The following APBA1 variants were observed in gnomAD, a reference collection of about 807,000 sequenced individuals.
APBA1 encodes amyloid-beta A4 precursor protein-binding family A member 1.
In APBA1, 55 loss-of-function variants were observed where a neutral mutation model predicts 86.6. The observed-to-expected ratio is 0.64, with a 90% confidence interval of 0.51 to 0.80. The LOEUF is 0.80. Ranked by LOEUF, APBA1 falls within the 30% of genes least tolerant of loss-of-function variation. The pLI, the probability that APBA1 is intolerant of heterozygous loss-of-function variation, is 0.00. For missense variants in APBA1, 1,090 were observed against 1,183.0 expected, an observed-to-expected ratio of 0.92 and a Z score of 1.15; for synonymous variants, 511 against 493.9, an observed-to-expected ratio of 1.03 and a Z score of -0.46.
intron 1 of APBA1, among the ~76,000 whole-genome samples, chr9:69,612,630 G>T (rs535287820): frequency 6.6e-6 from 1 of 151,930 alleles, no homozygotes; most frequent in South Asian, 2.1e-4. Flanking sequence ...TGCTTCCTAG[G>T]TTTTCACTAG....
intron 1 of APBA1, among the ~76,000 whole-genome samples, chr9:69,671,791 C>T (rs1330356860): frequency 6.6e-6 from 1 of 152,114 alleles, no homozygotes; most frequent in Non-Finnish European, 1.5e-5. Flanking sequence ...CTGGAAATGT[C>T]ACCCCCCAAC....
At chr9:69,670,447 G>T (rs1823924868) in intron 1 of APBA1, among the ~76,000 whole-genome samples, 1 of 152,178 alleles carries the variant, frequency 6.6e-6, no homozygotes, top group African/African-American at 2.4e-5. Flanking sequence ...CAATGCAGTA[G>T]AATTTAAGGT....
intron 1 of APBA1, among the ~76,000 whole-genome samples, chr9:69,661,753 T>G (rs1044251549): frequency 1.3e-5 from 2 of 152,114 alleles, no homozygotes; most frequent in African/African-American, 4.8e-5. Context: ...TGGAATAGTT[T>G]CCTAGACAGT....
intron 1 of APBA1, among the ~76,000 whole-genome samples, chr9:69,669,041 TC>T (rs1332007826): frequency 1.3e-5 from 2 of 152,212 alleles, no homozygotes; most frequent in African/African-American, 4.8e-5. Flanking sequence ...ATGATCCACC[TC>T]TGGCCAGGAT....
At chr9:69,659,821 T>C (rs1159396545) in intron 1 of APBA1, among the ~76,000 whole-genome samples, 2 of 152,262 alleles carry the variant, frequency 1.3e-5, no homozygotes, top group South Asian at 2.1e-4. Context: ...TTATTTTACA[T>C]GTGTCATGGA....
intron 1 of APBA1, among the ~76,000 whole-genome samples, chr9:69,636,858 A>G (rs1588405510): frequency 4.2e-5 from 4 of 95,036 alleles, no homozygotes; most frequent in African/African-American, 1.2e-4. Flanking sequence ...GGAGGGAGGG[A>G]GGGAGGGAGA....
At chr9:69,432,824 T>C in intron 11 of APBA1, 148 bp from the exon 12 acceptor site, 1 of 804,174 alleles carries the variant, frequency 1.2e-6, no homozygotes, top group Non-Finnish European at 1.7e-6. Context: ...TCTTAGTGTC[T>C]TTTCACAAAA....
intron 2 of APBA1, among the ~76,000 whole-genome samples, chr9:69,489,688 T>A (rs373052957): frequency 6.6e-6 from 1 of 151,182 alleles, no homozygotes; most frequent in South Asian, 2.1e-4. Context: ...ACTTCTCAAA[T>A]GAAGACATTT....
intron 2 of APBA1, among the ~76,000 whole-genome samples, chr9:69,487,728 C>T (rs570805624): frequency 1.8e-4 from 27 of 152,126 alleles, no homozygotes; most frequent in Non-Finnish European, 3.1e-4. Context: ...TCCTGCACTG[C>T]GGATTCCCCA....
At chr9:69,476,717 T>A (rs894952762) in intron 2 of APBA1, among the ~76,000 whole-genome samples, 20 of 152,218 alleles carry the variant, frequency 1.3e-4, no homozygotes, top group African/African-American at 4.8e-5. Flanking sequence ...CATTTTAACA[T>A]CCAAACACTA....
At chr9:69,560,567 T>C (rs2133937774) in intron 1 of APBA1, among the ~76,000 whole-genome samples, 1 of 152,330 alleles carries the variant, frequency 6.6e-6, no homozygotes, top group South Asian at 2.1e-4. Flanking sequence ...ACAGCATTGT[T>C]GTAAAGATGA....
chr9:69,502,880 C>T (rs1835900528), intron 2 of APBA1, among the ~76,000 whole-genome samples: 1 of 152,122 alleles, frequency 6.6e-6, no homozygotes, highest in Admixed American at 6.5e-5. Context: ...ATCAAGCCCA[C>T]AGCTCCTGAA....
At chr9:69,452,994 T>C (rs1588292566) in intron 8 of APBA1, among the ~76,000 whole-genome samples, 1 of 152,234 alleles carries the variant, frequency 6.6e-6, no homozygotes, top group East Asian at 1.9e-4. Context: ...GTTTATGATA[T>C]CCCACTGCAC....
chr9:69,598,315 G>A (rs896382045), intron 1 of APBA1, among the ~76,000 whole-genome samples: 1 of 152,150 alleles, frequency 6.6e-6, no homozygotes, highest in Admixed American at 6.5e-5. Flanking sequence ...GATAGCATTG[G>A]GAGATATACC....
chr9:69,530,084 G>T (rs909921801), intron 1 of APBA1, among the ~76,000 whole-genome samples: 1 of 151,948 alleles, frequency 6.6e-6, no homozygotes, highest in African/African-American at 2.4e-5. Context: ...AATCTATATG[G>T]AAAACAGTAT....
chr9:69,517,274 A>G lies in APBA1; in HGVS notation c.-64T>C, dbSNP rs1487084851. On this transcript the variant is annotated 5_prime_UTR_variant, in exon 2 of 13. Coordinates refer to ENST00000265381, the MANE Select transcript of APBA1 (RefSeq NM_001163.4). ...GCTCACTGCGCTCTCATTTTGCTCCACTGGGCTGGAAAAACAAGAAGGGGA... is the reference window on the plus strand; with the variant it reads ...GCTCACTGCGCTCTCATTTTGCTCCGCTGGGCTGGAAAAACAAGAAGGGGA... 7.1e-7 allele frequency: 1 copy of G among 1,407,482 alleles called. No homozygotes were observed. The highest frequency in any genetic ancestry group is 9.2e-7 in the Non-Finnish European group (1 of 1,084,360). The allele number at this position is 1,407,482 out of a possible 1,614,324, so 87.2% of individuals were successfully genotyped here.
At chr9:69,431,630 A>T (rs945724245) in intron 12 of APBA1, among the ~76,000 whole-genome samples, 1 of 152,264 alleles carries the variant, frequency 6.6e-6, no homozygotes, top group Non-Finnish European at 1.5e-5. Context: ...AAAACCAAGC[A>T]AGGCTTATTT....
intron 1 of APBA1, among the ~76,000 whole-genome samples, chr9:69,633,816 A>G (rs748898599): frequency 9.8e-5 from 15 of 152,320 alleles, no homozygotes; most frequent in Middle Eastern, 3.4e-3. Context: ...ATAATACTCA[A>G]TGCTCCAAGG....
intron 1 of APBA1, among the ~76,000 whole-genome samples, chr9:69,612,578 C>G (rs1253616970): frequency 6.6e-6 from 1 of 151,884 alleles, no homozygotes; most frequent in Admixed American, 6.6e-5. Flanking sequence ...TGAAATTGCT[C>G]TCATCTTTAA....
Sources: allele counts gnomAD v4.1 joint callset (sites outside exome capture counted in the v4.1 genomes callset), GRCh38; gene constraint gnomAD v4.1.1; transcripts MANE v1.5; gene names NCBI Gene and HGNC (gene_info 2026-07-23, HGNC 2026-07-21).